The following FAM3C variants were observed in gnomAD, a reference collection of about 807,000 sequenced individuals.
FAM3C encodes FAM3 metabolism regulating signaling molecule C, also known as protein FAM3C.
A neutral mutation model predicts 32.5 loss-of-function variants in FAM3C; 15 were observed. The ratio of observed to expected loss-of-function variants is 0.46; its 90% confidence interval spans 0.31 to 0.71. The LOEUF is 0.71. FAM3C is among the 30% of genes least tolerant of loss of function. FAM3C has a pLI of 0.05. For missense variants in FAM3C, 175 were observed against 274.4 expected, an observed-to-expected ratio of 0.64 and a Z score of 2.56; for synonymous variants, 75 against 86.1, an observed-to-expected ratio of 0.87 and a Z score of 0.72.
chr7:121,385,874 C>T (rs1007768778), intron 1 of FAM3C, among the ~76,000 whole-genome samples: 5 of 152,132 alleles, frequency 3.3e-5, no homozygotes, highest in African/African-American at 9.7e-5. Flanking sequence ...TCCCACCAGC[C>T]TCTAGTTGCT....
intron 2 of FAM3C, among the ~76,000 whole-genome samples, chr7:121,381,994 G>C (rs1794366785): frequency 6.6e-6 from 1 of 152,108 alleles, no homozygotes; most frequent in African/African-American, 2.4e-5. Context: ...GCTCCCTTAG[G>C]AAAATAATTG....
chr7:121,370,463 A>G (rs1389487240), intron 5 of FAM3C, among the ~76,000 whole-genome samples: 1 of 152,190 alleles, frequency 6.6e-6, no homozygotes, highest in East Asian at 1.9e-4. Context: ...TTTATTCTAT[A>G]TAATTCGTGA....
At chr7:121,395,885 G>A (rs944456049) in intron 1 of FAM3C, among the ~76,000 whole-genome samples, 3 of 151,780 alleles carry the variant, frequency 2.0e-5, no homozygotes, top group African/African-American at 7.3e-5. Context: ...CCAGCGCCAG[G>A]TGCAGACGCC....
intron 1 of FAM3C, among the ~76,000 whole-genome samples, chr7:121,393,142 C>G (rs572718859): frequency 1.3e-5 from 2 of 152,072 alleles, no homozygotes; most frequent in African/African-American, 4.8e-5. Context: ...ACATCATGAA[C>G]GTGCTAAATG....
intron 1 of FAM3C, among the ~76,000 whole-genome samples, chr7:121,392,516 T>C (rs1794598163): frequency 6.6e-6 from 1 of 152,132 alleles, no homozygotes; most frequent in African/African-American, 2.4e-5. Context: ...ACACAGGGAT[T>C]ACAATTTGAG....
intron 7 of FAM3C, among the ~76,000 whole-genome samples, chr7:121,361,105 A>G (rs1293005265): frequency 6.6e-6 from 1 of 152,222 alleles, no homozygotes; most frequent in Non-Finnish European, 1.5e-5. Flanking sequence ...TGATCTACCA[A>G]ATCAAAATCC....
intron 1 of FAM3C, among the ~76,000 whole-genome samples, chr7:121,386,905 A>T (rs866873319): frequency 4.6e-5 from 7 of 152,084 alleles, no homozygotes; most frequent in Middle Eastern, 3.2e-3. Context: ...TTACAAACAA[A>T]AGCATGGTAT....
At chr7:121,355,041 C>T (rs1793780535) in intron 8 of FAM3C, among the ~76,000 whole-genome samples, 1 of 152,114 alleles carries the variant, frequency 6.6e-6, no homozygotes, top group African/African-American at 2.4e-5. Flanking sequence ...TGAGATGAAA[C>T]TCATAAAATT....
intron 2 of FAM3C, among the ~76,000 whole-genome samples, chr7:121,379,491 C>T (rs1158798136): frequency 6.6e-6 from 1 of 152,164 alleles, no homozygotes; most frequent in East Asian, 1.9e-4. Context: ...TGTCCTATCA[C>T]TAACCAACAC....
chr7:121,373,894 G>C (rs545275086), intron 3 of FAM3C, among the ~76,000 whole-genome samples: 68 of 151,736 alleles, frequency 4.5e-4, no homozygotes, highest in African/African-American at 1.5e-3. Flanking sequence ...CGGGCGTGGT[G>C]GTGGGCAGGG....
chr7:121,375,688 A>C (rs1449549933), intron 3 of FAM3C, among the ~76,000 whole-genome samples: 1 of 152,174 alleles, frequency 6.6e-6, no homozygotes, highest in Non-Finnish European at 1.5e-5. Flanking sequence ...CATCAGCTGC[A>C]TGTGCACAGT....
chr7:121,353,794 C>T (rs969747772), intron 8 of FAM3C, among the ~76,000 whole-genome samples: 1 of 152,196 alleles, frequency 6.6e-6, no homozygotes, highest in African/African-American at 2.4e-5. Flanking sequence ...TCCTGTTTGA[C>T]TCCACTTGGG....
Position 121,388,170 on chromosome 7 carries a change from GTATT to G in FAM3C, c.-41-5164_-41-5161del, listed in dbSNP as rs571882403. On this transcript the variant is annotated intron_variant, in intron 1 of 9. Transcript: ENST00000359943. ...AAAATCTAGTTACTAACTTGAGAAA[GTATT>G]TAATACTAGCAGGATACCGAATCCT... Among the ~76,000 whole-genome samples, 29 of 151,804 alleles carry G rather than the reference GTATT, an allele frequency of 1.9e-4. No individual in the cohort carries two copies. The East Asian group carries it at 4.5e-3, about 23-fold the overall frequency.
At chr7:121,378,059 T>G (rs564728193) in intron 3 of FAM3C, among the ~76,000 whole-genome samples, 1 of 152,380 alleles carries the variant, frequency 6.6e-6, no homozygotes, top group East Asian at 1.9e-4. Context: ...TATAGCGGTA[T>G]ATTTATAGAA....
At chr7:121,351,725 CTA>C (rs1793708780) in intron 8 of FAM3C, among the ~76,000 whole-genome samples, 1 of 152,108 alleles carries the variant, frequency 6.6e-6, no homozygotes, top group Non-Finnish European at 1.5e-5. Flanking sequence ...GTTTCTAACA[CTA>C]TGTTTTATTT....
At chr7:121,357,910 AAAT>A (rs2116879162) in intron 8 of FAM3C, among the ~76,000 whole-genome samples, 1 of 152,282 alleles carries the variant, frequency 6.6e-6, no homozygotes, top group Admixed American at 6.5e-5. Flanking sequence ...AGGTATAACA[AAAT>A]AATCTGGTGA....
chr7:121,360,145 G>C lies in FAM3C; in HGVS notation c.383-18C>G, dbSNP rs773963926. The C allele has an allele frequency of 1.3e-5, 18 of 1,405,514 alleles. No homozygotes were observed. Among genetic ancestry groups the C allele is most frequent in the Admixed American group, 6.9e-5 (4 of 57,624 alleles). The allele number at this position is 1,405,514 out of a possible 1,614,324, so 87.1% of individuals were successfully genotyped here. ...TGCCACATCTGAAGAAAAAGAAAGGGTTTAGGGTTTTAAAAAATGACTGAA... is the reference window on the plus strand; with the variant it reads ...TGCCACATCTGAAGAAAAAGAAAGGCTTTAGGGTTTTAAAAAATGACTGAA... On this transcript the variant is annotated intron_variant, in intron 7 of 9. Coordinates refer to ENST00000359943, the MANE Select transcript of FAM3C (RefSeq NM_014888.3).
rs762573092 is a variant in FAM3C, at chr7:121,350,429, G to T, written c.*32C>A. 5 of 1,610,154 alleles carry T rather than the reference G, an allele frequency of 3.1e-6. No individual in the cohort carries two copies. In the South Asian group the frequency reaches 5.5e-5, roughly 18 times the overall value. The stretch of plus-strand genomic sequence containing the variant: ...TATAGCTCTCCCATTAAGAGTGAAA[G>T]TGCGCTTTCTTCAATTCTCTCCACA... On this transcript the variant is annotated 3_prime_UTR_variant, in exon 10 of 10. Coordinates refer to ENST00000359943, the MANE Select transcript of FAM3C (RefSeq NM_014888.3).
chr7:121,354,886 T>C (rs888087177), intron 8 of FAM3C, among the ~76,000 whole-genome samples: 1 of 152,164 alleles, frequency 6.6e-6, no homozygotes, highest in East Asian at 1.9e-4. Context: ...AAATGGAGCA[T>C]AGTTTCTAAA....
Sources: gnomAD v4.1 joint callset for allele counts (sites outside exome capture counted in the v4.1 genomes callset) on GRCh38, gnomAD v4.1.1 for gene constraint, MANE v1.5 for transcripts, NCBI Gene and HGNC (gene_info 2026-07-23, HGNC 2026-07-21) for gene names.